Variants in CLTCL1 observed in about 807,000 individuals in gnomAD.
The protein encoded by CLTCL1 is clathrin heavy chain 2.
Under a neutral mutation model 190.0 loss-of-function variants are expected in CLTCL1, and 159 were observed. The ratio of observed to expected loss-of-function variants is 0.84; its 90% CI spans 0.74 to 0.95. CLTCL1 has a LOEUF of 0.95. Ranked by LOEUF, CLTCL1 falls within the 40% of genes least tolerant of loss-of-function variation. CLTCL1 has a pLI of 0.00. For synonymous variants in CLTCL1, 752 were observed against 769.6 expected (o/e 0.98, Z 0.38); for missense variants, 1,878 against 2,033.4 (o/e 0.92, Z 1.47).
intron 5 of CLTCL1, among the ~76,000 whole-genome samples, chr22:19,238,232 G>A (rs1365983106): frequency 4.6e-5 from 7 of 152,202 alleles, no homozygotes; most frequent in Non-Finnish European, 2.9e-5. Context: ...TGGGACTACA[G>A]GTGCACACCG....
Position 19,233,402 on chromosome 22 carries a change from G to C in CLTCL1, c.1368+20C>G. 1 of 1,613,246 alleles carries C rather than the reference G, an allele frequency of 6.2e-7. No individual in the cohort carries two copies. Among genetic ancestry groups the C allele is most frequent in the South Asian group, 1.1e-5 (1 of 91,062 alleles). ...TTTTCAAGCTGTGCGGGGGGGCTAC[G>C]AGCTCACAAGTGTTTCTACCTTATC... On this transcript the variant is annotated intron_variant, in intron 8 of 32. Coordinates refer to ENST00000427926, the MANE Select transcript of CLTCL1 (RefSeq NM_007098.4).
chr22:19,274,064 C>T (rs2087415354), intron 2 of CLTCL1, among the ~76,000 whole-genome samples: 1 of 152,132 alleles, frequency 6.6e-6, no homozygotes, highest in African/African-American at 2.4e-5. Context: ...AGAACTGTAC[C>T]AGAAAACCAG....
intron 23 of CLTCL1, among the ~76,000 whole-genome samples, 196 bp downstream of exon 23, chr22:19,201,133 A>G (rs1317916313): frequency 1.3e-5 from 2 of 152,260 alleles, no homozygotes; most frequent in East Asian, 3.8e-4. Flanking sequence ...CTGGGGGCCA[A>G]CTGGTTCCAC....
intron 5 of CLTCL1, among the ~76,000 whole-genome samples, chr22:19,238,078 C>CTTAT (rs1377210411): frequency 3.8e-4 from 58 of 151,528 alleles, no homozygotes; most frequent in African/African-American, 9.9e-4. Context: ...TATTTTTATT[C>CTTAT]TTATTTATTT....
At chr22:19,242,068 G>C (rs576068844) in intron 4 of CLTCL1, among the ~76,000 whole-genome samples, 1 of 149,698 alleles carries the variant, frequency 6.7e-6, no homozygotes, top group Non-Finnish European at 1.5e-5. Context: ...TCAGCCTCCT[G>C]AGTAGCTGGG....
chr22:19,260,327 G>T (rs541879863), intron 2 of CLTCL1, among the ~76,000 whole-genome samples: 9 of 152,284 alleles, frequency 5.9e-5, no homozygotes, highest in African/African-American at 1.7e-4. Context: ...ACTGGAAAAA[G>T]ATGCCATTTA....
intron 3 of CLTCL1, among the ~76,000 whole-genome samples, chr22:19,251,488 C>T (rs1256719296): frequency 6.6e-5 from 10 of 152,252 alleles, no homozygotes; most frequent in South Asian, 2.1e-4. Flanking sequence ...GACGGAGTCT[C>T]GCTCTTTTGC....
intron 22 of CLTCL1, chr22:19,207,867 C>T: frequency 1.6e-6 from 1 of 629,532 alleles, no homozygotes. Flanking sequence ...CCAGATGGGA[C>T]CATCTAGTTG....
chr22:19,226,568 G>A (rs1185778975), intron 11 of CLTCL1, among the ~76,000 whole-genome samples, 185 bp from the exon 12 acceptor site: 2 of 152,138 alleles, frequency 1.3e-5, no homozygotes, highest in African/African-American at 4.8e-5. Flanking sequence ...TGTCCTTCAA[G>A]CCATCTTAGG....
At chr22:19,232,438 A>G in intron 10 of CLTCL1, 38 bp downstream of exon 10, 1 of 1,613,012 alleles carries the variant, frequency 6.2e-7, no homozygotes, top group Non-Finnish European at 8.5e-7. Flanking sequence ...ATGGCTCTAA[A>G]AAGCCACAAA....
At chr22:19,184,193 G>A in intron 29 of CLTCL1, 1 of 290,126 alleles carries the variant, frequency 3.4e-6, no homozygotes, top group Non-Finnish European at 6.9e-6. Flanking sequence ...TCCACAGCAG[G>A]CACTGGATCA....
intron 1 of CLTCL1, among the ~76,000 whole-genome samples, chr22:19,285,273 T>C (rs2087866342): frequency 6.6e-6 from 1 of 151,904 alleles, no homozygotes; most frequent in African/African-American, 2.4e-5. Flanking sequence ...AGACTCCATC[T>C]TAAAAAAAAG....
rs782454841 is a variant in CLTCL1, at chr22:19,233,584, C to T, written c.1206G>A (p.Gln402=). Residue 402 remains glutamine, a synonymous_variant, in exon 8 of 33, where the codon CAG becomes CAA. Transcript: ENST00000427926. ...LRTRETVQKF[Q]SIPAQSGQAS... ...CCTGGCCAGACTGAGCGGGTATACT[C>T]TGGAATTTCTGGACCGTCTCTCTGG... is the stretch of plus-strand genomic sequence containing the variant. 6.2e-7 allele frequency: 1 copy of T among 1,613,592 alleles called. No individual in the cohort carries two copies. The highest frequency in any genetic ancestry group is 8.5e-7 in the Non-Finnish European group (1 of 1,179,898).
At chr22:19,246,007 T>C (rs377697609) in intron 3 of CLTCL1, among the ~76,000 whole-genome samples, 44 of 152,328 alleles carry the variant, frequency 2.9e-4, no homozygotes, top group African/African-American at 9.9e-4. Flanking sequence ...TTCATTTCTC[T>C]TAGGTAGACA....
chr22:19,202,355 C>A (rs1011409838), intron 22 of CLTCL1, among the ~76,000 whole-genome samples: 1 of 151,908 alleles, frequency 6.6e-6, no homozygotes, highest in Non-Finnish European at 1.5e-5. Context: ...GCAACACTAC[C>A]CATCCTACTT....
chr22:19,274,695 T>G (rs578203986), intron 2 of CLTCL1, among the ~76,000 whole-genome samples: 2 of 152,036 alleles, frequency 1.3e-5, no homozygotes, highest in South Asian at 4.1e-4. Context: ...TTCACAAATT[T>G]TACCTCCAGA....
At chr22:19,229,646 T>C (rs1430887769) in intron 11 of CLTCL1, among the ~76,000 whole-genome samples, 192 bp downstream of exon 11, 1 of 152,222 alleles carries the variant, frequency 6.6e-6, no homozygotes, top group East Asian at 1.9e-4. Context: ...TAGAACTGTT[T>C]CCATGAAAGT....
At chr22:19,209,999 G>A (rs143707998) in intron 20 of CLTCL1, among the ~76,000 whole-genome samples, 208 of 152,224 alleles carry the variant, frequency 1.4e-3, no homozygotes, top group African/African-American at 4.7e-3. Context: ...TTGAGGGTAA[G>A]ATGTGAGTGC....
chr22:19,262,370 T>C (rs1256338135), intron 2 of CLTCL1, among the ~76,000 whole-genome samples: 1 of 150,380 alleles, frequency 6.6e-6, no homozygotes, highest in African/African-American at 2.4e-5. Flanking sequence ...CGGTGGCTCA[T>C]GCCTGTAGTC....
Sources: gnomAD v4.1 joint callset for allele counts (sites outside exome capture counted in the v4.1 genomes callset) on GRCh38, gnomAD v4.1.1 for gene constraint, MANE v1.5 for transcripts, NCBI Gene and HGNC (gene_info 2026-07-23, HGNC 2026-07-21) for gene names.